Variants in NRG1 observed in about 807,000 individuals in gnomAD.
NRG1 encodes the protein neuregulin 1.
In NRG1, 18 loss-of-function variants were observed where a neutral mutation model predicts 63.8. That is an observed-to-expected ratio of 0.28 (90% CI 0.19 to 0.42). NRG1 has a LOEUF of 0.42. NRG1 is among the 10% of genes least tolerant of loss of function. The pLI, the probability that NRG1 is intolerant of heterozygous loss-of-function variation, is 1.00. For missense variants in NRG1, 762 were observed against 814.7 expected (o/e 0.94, Z 0.79); for synonymous variants, 302 against 301.3 (o/e 1.00, Z -0.02).
chr8:31,870,545 C>T (rs555893215), intron 1 of NRG1, among the ~76,000 whole-genome samples: 2 of 152,084 alleles, frequency 1.3e-5, no homozygotes, highest in East Asian at 3.9e-4. Flanking sequence ...TTCAGATTTT[C>T]ACCATTTTAT....
chr8:32,628,558 G>T (rs990651647), intron 5 of NRG1, among the ~76,000 whole-genome samples: 1 of 152,064 alleles, frequency 6.6e-6, no homozygotes, highest in South Asian at 2.1e-4. Context: ...GAGGGAAATA[G>T]ATGATTCAAA....
At chr8:32,554,786 T>A (rs2466103) in intron 1 of NRG1, among the ~76,000 whole-genome samples, 5 of 152,068 alleles carry the variant, frequency 3.3e-5, no homozygotes, top group African/African-American at 1.2e-4. Context: ...TGTGGAGTTC[T>A]GCCTCTACAT....
At chr8:32,012,759 C>G (rs759782519) in intron 1 of NRG1, among the ~76,000 whole-genome samples, 13 of 152,076 alleles carry the variant, frequency 8.5e-5, no homozygotes, top group East Asian at 1.9e-4. Context: ...TGTCAAGTGC[C>G]TAGCTCAATG....
chr8:32,527,211 T>A (rs1830941435), intron 1 of NRG1, among the ~76,000 whole-genome samples: 1 of 152,108 alleles, frequency 6.6e-6, no homozygotes, highest in African/African-American at 2.4e-5. Flanking sequence ...GCAGCACTAC[T>A]CACAAAGGGC....
intron 1 of NRG1, among the ~76,000 whole-genome samples, chr8:32,318,879 C>T (rs1034879514): frequency 6.6e-5 from 10 of 152,022 alleles, no homozygotes; most frequent in Non-Finnish European, 7.4e-5. Context: ...TCTTAGTGAC[C>T]GATTTTGCTA....
Position 31,789,527 on chromosome 8 carries a change from G to T in NRG1, c.37+150096G>T, listed in dbSNP as rs193299085. ...TCACACGTGGAGGATACTAGAGGCT[G>T]CCATGACAATATTAGCCAAAAAATG... On this transcript the variant is annotated intron_variant, in intron 1 of 10. Transcript: ENST00000519301. Among the ~76,000 whole-genome samples, 6 of 152,294 alleles carry T rather than the reference G, an allele frequency of 3.9e-5. No homozygotes were observed. The East Asian group carries it at 7.7e-4, about 20-fold the overall frequency.
At chr8:32,749,604 C>G in intron 7 of NRG1, 1 of 1,612,170 alleles carries the variant, frequency 6.2e-7, no homozygotes, top group Non-Finnish European at 8.5e-7. Context: ...AATCATCATT[C>G]CTTTTAGCCT....
chr8:32,551,676 C>T (rs758496228), intron 1 of NRG1, among the ~76,000 whole-genome samples: 3 of 152,152 alleles, frequency 2.0e-5, no homozygotes, highest in Non-Finnish European at 2.9e-5. Flanking sequence ...ACACAATTAT[C>T]TATTCCATAA....
intron 1 of NRG1, among the ~76,000 whole-genome samples, chr8:31,921,354 T>C (rs1174059611): frequency 6.6e-6 from 1 of 152,120 alleles, no homozygotes; most frequent in African/African-American, 2.4e-5. Flanking sequence ...AGCCAGTTCA[T>C]GAAGCGCTAC....
chr8:32,751,955 C>T (rs1028640330), intron 7 of NRG1, among the ~76,000 whole-genome samples: 2 of 152,160 alleles, frequency 1.3e-5, no homozygotes, highest in African/African-American at 4.8e-5. Context: ...TGTCCATGTC[C>T]CCATTTTTGA....
chr8:32,102,281 G>A (rs1310465095), intron 1 of NRG1, among the ~76,000 whole-genome samples: 1 of 152,112 alleles, frequency 6.6e-6, no homozygotes, highest in East Asian at 1.9e-4. Context: ...GGGACTACAG[G>A]CGTGTGCCAC....
At position 32,640,618 on chromosome 8, in the gene NRG1, C is replaced by CCG. The variant is rs1554614969; in HGVS notation, c.502+23735_502+23736dup. 5.5e-4 allele frequency among the ~76,000 whole-genome samples: 46 copies of CCG among 82,908 alleles called. 1 individual carries two copies. Among genetic ancestry groups the CCG allele is most frequent in the Admixed American group, 5.5e-3 (37 of 6,706 alleles). The allele number at this position is 82,908 out of a possible 152,430, so 54.4% of individuals were successfully genotyped here. On this transcript the variant is annotated intron_variant, in intron 5 of 11. Transcript: ENST00000356819. The stretch of plus-strand genomic sequence containing the variant: ...GTCCTTCATCCCAAAGATCTCAGAC[C>CCG]CGCACACACACACACACACACACAC...
At chr8:31,977,464 G>A (rs773132452) in intron 1 of NRG1, among the ~76,000 whole-genome samples, 28 of 151,702 alleles carry the variant, frequency 1.8e-4, no homozygotes, top group Non-Finnish European at 3.4e-4. Flanking sequence ...TTCTAGTGCC[G>A]CCATCTCAGA....
At position 31,845,722 on chromosome 8, in the gene NRG1, T is replaced by A. The variant is rs58302300; in HGVS notation, c.37+206291T>A. On this transcript the variant is annotated intron_variant, in intron 1 of 10. Transcript: ENST00000519301. ...AGGGCAAGTTAGCATGTGTTGCATT[T>A]GAATTTATACATTTGAGACACATTT... 9.0e-3 allele frequency among the ~76,000 whole-genome samples: 1,373 copies of A among 152,328 alleles called. 22 individuals carry two copies. Among genetic ancestry groups the A allele is most frequent in the African/African-American group, 0.031 (1,305 of 41,570 alleles).
chr8:31,662,099 A>C (rs1209633157), intron 1 of NRG1, among the ~76,000 whole-genome samples: 1 of 152,240 alleles, frequency 6.6e-6, no homozygotes, highest in Non-Finnish European at 1.5e-5. Flanking sequence ...CTAGAGCAAA[A>C]TGACTTCCCA....
chr8:32,191,191 T>C (rs1842461030), intron 1 of NRG1, among the ~76,000 whole-genome samples: 1 of 152,064 alleles, frequency 6.6e-6, no homozygotes. Flanking sequence ...TTCAAGAGAT[T>C]CTTCTGCCTC....
At chr8:32,462,376 T>C (rs955931826) in intron 1 of NRG1, among the ~76,000 whole-genome samples, 1 of 152,180 alleles carries the variant, frequency 6.6e-6, no homozygotes, top group Non-Finnish European at 1.5e-5. Flanking sequence ...GCAGCTAGGT[T>C]TGCAGAGAAT....
intron 1 of NRG1, among the ~76,000 whole-genome samples, chr8:31,859,503 A>G (rs771288061): frequency 1.3e-5 from 2 of 152,200 alleles, no homozygotes; most frequent in East Asian, 1.9e-4. Flanking sequence ...AGGAAATACT[A>G]TATATATTTG....
intron 5 of NRG1, among the ~76,000 whole-genome samples, chr8:32,646,271 C>G (rs1229849358): frequency 1.3e-5 from 2 of 152,014 alleles, no homozygotes; most frequent in Non-Finnish European, 2.9e-5. Flanking sequence ...CAGCATTTCT[C>G]CCTGGGCATG....
Sources: allele counts gnomAD v4.1 joint callset (sites outside exome capture counted in the v4.1 genomes callset), GRCh38; gene constraint gnomAD v4.1.1; transcripts MANE v1.5; gene names NCBI Gene and HGNC (gene_info 2026-07-23, HGNC 2026-07-21).